BTD: variants seen among roughly 807,000 people sequenced by gnomAD.
BTD encodes biotinidase.
BTD carries 13 observed loss-of-function variants against 17.7 expected under a neutral mutation model. The observed-to-expected ratio is 0.74, with a 90% CI of 0.48 to 1.17. The LOEUF (loss-of-function observed/expected upper bound fraction) is 1.17, where lower values mean the gene tolerates loss of function less well. BTD is among the 50% of genes most tolerant of loss of function. The pLI is 0.00. For synonymous variants in BTD, 240 were observed against 245.2 expected, an observed-to-expected ratio of 0.98 and a Z score of 0.20; for missense variants, 674 against 650.4, an observed-to-expected ratio of 1.04 and a Z score of -0.39.
At chr3:15,620,964 G>A (rs1290065418) in intron 1 of BTD, among the ~76,000 whole-genome samples, 1 of 152,266 alleles carries the variant, frequency 6.6e-6, no homozygotes, top group East Asian at 1.9e-4. Context: ...AAGGCCGAAG[G>A]CCTGAGAACC....
intron 3 of BTD, chr3:15,670,340 A>G: frequency 1.2e-6 from 2 of 1,613,972 alleles, no homozygotes; most frequent in Non-Finnish European, 1.7e-6. Context: ...TTCCCCTCCA[A>G]TGTTATTGAA....
intron 3 of BTD, among the ~76,000 whole-genome samples, chr3:15,691,055 TA>T (rs2068731597): frequency 6.6e-6 from 1 of 151,894 alleles, no homozygotes; most frequent in Admixed American, 6.6e-5. Context: ...CCTGCTTGAA[TA>T]TCACCACATA....
chr3:15,617,097 T>G (rs1454236522), intron 1 of BTD, among the ~76,000 whole-genome samples: 1 of 152,244 alleles, frequency 6.6e-6, no homozygotes, highest in Non-Finnish European at 1.5e-5. Flanking sequence ...CCTCCCAAAG[T>G]GCTGGGATTA....
chr3:15,608,855 TCA>T (rs1376397248), intron 1 of BTD, among the ~76,000 whole-genome samples: 1 of 152,168 alleles, frequency 6.6e-6, no homozygotes, highest in African/African-American at 2.4e-5. Flanking sequence ...CAAGCAGCTA[TCA>T]CCCATGTAAT....
chr3:15,695,854 G>A (rs1020325169), intron 3 of BTD, among the ~76,000 whole-genome samples: 35 of 152,016 alleles, frequency 2.3e-4, no homozygotes, highest in African/African-American at 7.7e-4. Context: ...AGAAACTTAT[G>A]AGGAATATTA....
intron 3 of BTD, among the ~76,000 whole-genome samples, chr3:15,671,591 T>G (rs1211699210): frequency 2.0e-5 from 3 of 148,976 alleles, no homozygotes; most frequent in East Asian, 1.9e-4. Context: ...TTTTTTTTGT[T>G]TTTTTTTTTT....
downstream of BTD, among the ~76,000 whole-genome samples, chr3:15,657,766 T>G (rs2065885161): frequency 1.3e-5 from 2 of 152,038 alleles, no homozygotes; most frequent in South Asian, 4.2e-4. Flanking sequence ...CACAGGAATC[T>G]TTGTCAGTTT....
intron 3 of BTD, chr3:15,696,385 A>G (rs2069558756): frequency 3.7e-6 from 2 of 546,496 alleles, no homozygotes; most frequent in African/African-American, 3.8e-5. Flanking sequence ...CACTATAAAA[A>G]TGTCATTTAA....
intron 3 of BTD, among the ~76,000 whole-genome samples, chr3:15,659,458 T>A (rs2065900866): frequency 6.6e-6 from 1 of 152,218 alleles, no homozygotes; most frequent in African/African-American, 2.4e-5. Context: ...CTTAATCTCC[T>A]TCACTGGGGT....
intron 3 of BTD, among the ~76,000 whole-genome samples, chr3:15,680,181 T>C (rs1247238495): frequency 1.3e-5 from 2 of 152,112 alleles, no homozygotes; most frequent in African/African-American, 4.8e-5. Context: ...ACTACACATA[T>C]CCTTCCATAA....
At chr3:15,698,993 C>A (rs1184195973) in intron 3 of BTD, among the ~76,000 whole-genome samples, 2 of 152,170 alleles carry the variant, frequency 1.3e-5, no homozygotes, top group Admixed American at 6.5e-5. Context: ...TCAAACTACA[C>A]TACAAGGCTA....
chr3:15,673,162 T>C (rs2066556032), intron 3 of BTD, among the ~76,000 whole-genome samples: 1 of 152,374 alleles, frequency 6.6e-6, no homozygotes, highest in African/African-American at 2.4e-5. Context: ...GGCTTAGCAG[T>C]TGCATTTTTT....
intron 3 of BTD, among the ~76,000 whole-genome samples, chr3:15,700,682 G>A (rs991842023): frequency 6.6e-6 from 1 of 152,286 alleles, no homozygotes; most frequent in South Asian, 2.1e-4. Context: ...GCTGAGGCAG[G>A]AGAATTGCTT....
At chr3:15,676,285 T>TAC (rs754300228) in intron 3 of BTD, 3 of 274,386 alleles carry the variant, frequency 1.1e-5, no homozygotes, top group Non-Finnish European at 2.0e-5. Context: ...AAAAACATTT[T>TAC]ACCATTGAAA....
intron 1 of BTD, among the ~76,000 whole-genome samples, chr3:15,609,135 G>T (rs1456026038): frequency 6.6e-6 from 1 of 152,070 alleles, no homozygotes; most frequent in African/African-American, 2.4e-5. Context: ...GTTCTTCTTT[G>T]GAGCTTAGCT....
chr3:15,663,158 C>T lies in BTD; in HGVS notation c.399+21101C>T, dbSNP rs1015692884. On this transcript the variant is annotated intron_variant, in intron 3 of 3. Coordinates refer to the BTD transcript ENST00000672141. ...GATTATAGGCATGCGCCGCCATGCC[C>T]GGCTAATTTTTATTATTATTAGAAA... 8.7e-4 allele frequency among the ~76,000 whole-genome samples: 133 copies of T among 152,140 alleles called. 1 individual carries two copies. The highest frequency in any genetic ancestry group is 4.9e-3 in the Admixed American group (75 of 15,274).
chr3:15,665,529 G>C (rs566725911), intron 3 of BTD, among the ~76,000 whole-genome samples: 1 of 152,244 alleles, frequency 6.6e-6, no homozygotes, highest in East Asian at 1.9e-4. Flanking sequence ...ACACTGTAAG[G>C]GTACCACAAA....
rs889266158 is a variant in BTD at position 15,707,091 on chromosome 3, C to T, written c.400-2969C>T. On this transcript the variant is annotated intron_variant, in intron 3 of 3. Coordinates refer to the BTD transcript ENST00000672141. Reference sequence around the variant, plus strand: ...AGGGCGAAAAGTAAATGTTAAAAACCGAATAAATAATTCTGTTATATGAAG... The same window carrying T: ...AGGGCGAAAAGTAAATGTTAAAAACTGAATAAATAATTCTGTTATATGAAG... Among the ~76,000 whole-genome samples the T allele has an allele frequency of 4.6e-5, 7 of 151,980 alleles. No individual in the cohort carries two copies. In the South Asian group the frequency reaches 8.3e-4, roughly 18 times the overall value.
rs866051262 is a variant in BTD at position 15,693,477 on chromosome 3, A to G, written c.400-16583A>G. On this transcript the variant is annotated intron_variant, in intron 3 of 3. Coordinates refer to the BTD transcript ENST00000672141. ...AGGAAACAACATCATTAAACTGATA[A>G]CTAAGTCCTAAAGACTGCAGGGCTT... Among the ~76,000 whole-genome samples, 10 of 152,300 alleles carry G rather than the reference A, an allele frequency of 6.6e-5. No individual in the cohort carries two copies. The Middle Eastern group carries it at 0.017, about 259-fold the overall frequency.
Sources: allele counts gnomAD v4.1 joint callset (sites outside exome capture counted in the v4.1 genomes callset), GRCh38; gene constraint gnomAD v4.1.1; transcripts MANE v1.5; gene names NCBI Gene and HGNC (gene_info 2026-07-23, HGNC 2026-07-21).